The following SPOCK1 variants were observed in gnomAD, a reference collection of about 807,000 sequenced individuals.
SPOCK1 encodes testican-1.
SPOCK1 carries 23 observed loss-of-function variants against 55.3 expected under a neutral mutation model. The ratio of observed to expected loss-of-function variants is 0.42; its 90% confidence interval spans 0.30 to 0.59. SPOCK1 has a LOEUF of 0.59. Among genes scored for constraint, SPOCK1 ranks in the 20% least tolerant of loss-of-function variants. SPOCK1 has a pLI of 0.22. For missense variants in SPOCK1, 499 were observed against 552.5 expected (o/e 0.90, Z 0.97); for synonymous variants, 226 against 221.0 (o/e 1.02, Z -0.20).
intron 4 of SPOCK1, among the ~76,000 whole-genome samples, chr5:137,131,907 G>A (rs1753886768): frequency 7.3e-6 from 1 of 136,944 alleles, no homozygotes; most frequent in Non-Finnish European, 1.5e-5. Flanking sequence ...GGGAGGCGGA[G>A]CTTGCAGTGA....
chr5:137,218,426 A>G (rs1012118186), intron 3 of SPOCK1, among the ~76,000 whole-genome samples: 4 of 152,282 alleles, frequency 2.6e-5, no homozygotes, highest in African/African-American at 9.6e-5. Context: ...CAAGTTATCC[A>G]ATTAATGACA....
intron 2 of SPOCK1, among the ~76,000 whole-genome samples, chr5:137,480,618 G>T (rs1268531894): frequency 1.3e-5 from 2 of 152,170 alleles, no homozygotes; most frequent in African/African-American, 4.8e-5. Context: ...TGGCCAAATG[G>T]CCCATGAGTG....
At chr5:137,217,454 C>T (rs913360627) in intron 3 of SPOCK1, among the ~76,000 whole-genome samples, 2 of 152,288 alleles carry the variant, frequency 1.3e-5, no homozygotes, top group East Asian at 1.9e-4. Context: ...CCACAGCCTC[C>T]GTTTCCCATC....
intron 2 of SPOCK1, among the ~76,000 whole-genome samples, chr5:137,337,473 C>G (rs1750305721): frequency 6.6e-6 from 1 of 152,192 alleles, no homozygotes; most frequent in African/African-American, 2.4e-5. Context: ...ATCTTCCTTT[C>G]TGTATCATGT....
intron 9 of SPOCK1, among the ~76,000 whole-genome samples, chr5:136,983,723 T>A (rs1750782307): frequency 2.6e-5 from 4 of 152,138 alleles, no homozygotes; most frequent in African/African-American, 9.7e-5. Context: ...TGTTGATTGT[T>A]TTATTTATTT....
chr5:137,445,683 G>A (rs1753110899), intron 2 of SPOCK1, among the ~76,000 whole-genome samples: 1 of 152,292 alleles, frequency 6.6e-6, no homozygotes, highest in African/African-American at 2.4e-5. Flanking sequence ...CTAATAGCCA[G>A]CTCCTTGGAA....
At chr5:137,220,596 C>G (rs1476465417) in intron 3 of SPOCK1, among the ~76,000 whole-genome samples, 1 of 152,194 alleles carries the variant, frequency 6.6e-6, no homozygotes, top group Admixed American at 6.5e-5. Context: ...AGTCTAGTCT[C>G]CTAACCACTA....
At chr5:137,377,141 A>G (rs1264531502) in intron 2 of SPOCK1, among the ~76,000 whole-genome samples, 9 of 152,222 alleles carry the variant, frequency 5.9e-5, no homozygotes, top group Admixed American at 5.2e-4. Flanking sequence ...TGTTGGCCCA[A>G]TGAGGCAAAT....
At chr5:137,423,029 T>C (rs985546901) in intron 2 of SPOCK1, among the ~76,000 whole-genome samples, 8 of 152,336 alleles carry the variant, frequency 5.3e-5, no homozygotes, top group African/African-American at 1.4e-4. Context: ...TGCAGGTCTG[T>C]TGGAGTTTGC....
At chr5:137,286,197 C>T (rs1352494111) in intron 2 of SPOCK1, among the ~76,000 whole-genome samples, 1 of 152,232 alleles carries the variant, frequency 6.6e-6, no homozygotes, top group Non-Finnish European at 1.5e-5. Flanking sequence ...CAAAGCCAGA[C>T]AGGATCTAAA....
chr5:137,086,810 T>G (rs1434532931), intron 5 of SPOCK1, among the ~76,000 whole-genome samples: 1 of 152,196 alleles, frequency 6.6e-6, no homozygotes, highest in African/African-American at 2.4e-5. Flanking sequence ...AAAGAAACAC[T>G]TAGCTTTCTA....
chr5:137,434,590 C>T (rs1168964370), intron 2 of SPOCK1, among the ~76,000 whole-genome samples: 1 of 143,830 alleles, frequency 7.0e-6, no homozygotes. Context: ...AGCTCCGCCT[C>T]CTGGGTTCAC....
intron 4 of SPOCK1, among the ~76,000 whole-genome samples, chr5:137,128,963 T>G (rs915713520): frequency 6.6e-6 from 1 of 152,224 alleles, no homozygotes; most frequent in Non-Finnish European, 1.5e-5. Context: ...CACAGAACCC[T>G]CTAGATTCTC....
At chr5:137,004,232 C>T (rs556537078) in intron 6 of SPOCK1, among the ~76,000 whole-genome samples, 16 of 152,170 alleles carry the variant, frequency 1.1e-4, no homozygotes, top group Non-Finnish European at 2.2e-4. Context: ...CCAGATGCAG[C>T]AGGACACCTG....
chr5:137,076,596 T>G (rs1399930287), intron 5 of SPOCK1, among the ~76,000 whole-genome samples: 1 of 130,284 alleles, frequency 7.7e-6, no homozygotes, highest in Admixed American at 8.4e-5. Flanking sequence ...TATTGAATAC[T>G]GGACTGAAAG....
intron 2 of SPOCK1, among the ~76,000 whole-genome samples, chr5:137,357,817 G>A (rs1372743068): frequency 6.6e-6 from 1 of 152,140 alleles, no homozygotes; most frequent in Non-Finnish European, 1.5e-5. Flanking sequence ...TGTCACAGCA[G>A]AATAATTGGA....
In SPOCK1 at chr5:137,066,095, C is replaced by A. The variant is rs183914495; in HGVS notation, c.589+1620G>T. On this transcript the variant is annotated intron_variant, in intron 6 of 10. Coordinates refer to ENST00000394945, the MANE Select transcript of SPOCK1 (RefSeq NM_004598.4). The stretch of plus-strand genomic sequence containing the variant: ...TCTCTCTTAAGGAGAGATGCATTCA[C>A]CCTCATTTGTAGATGCTACAGGCAA... Among the ~76,000 whole-genome samples, 243 of 152,202 alleles carry A rather than the reference C, an allele frequency of 1.6e-3. 2 individuals carry two copies. Among genetic ancestry groups the A allele is most frequent in the African/African-American group, 5.5e-3 (228 of 41,528 alleles).
chr5:137,485,276 T>A (rs1754032462), intron 2 of SPOCK1, among the ~76,000 whole-genome samples: 1 of 152,198 alleles, frequency 6.6e-6, no homozygotes, highest in South Asian at 2.1e-4. Flanking sequence ...AACCATTGTA[T>A]CTTTAACCGT....
chr5:137,097,372 T>C (rs372773110), intron 5 of SPOCK1, among the ~76,000 whole-genome samples: 1 of 152,348 alleles, frequency 6.6e-6, no homozygotes, highest in South Asian at 2.1e-4. Flanking sequence ...TGCTGCTCGC[T>C]TAGTCTTCCA....
Sources: gnomAD v4.1 joint callset for allele counts (sites outside exome capture counted in the v4.1 genomes callset) on GRCh38, gnomAD v4.1.1 for gene constraint, MANE v1.5 for transcripts, NCBI Gene and HGNC (gene_info 2026-07-23, HGNC 2026-07-21) for gene names.